SLC2A13: variants seen among roughly 807,000 people sequenced by gnomAD.
SLC2A13 encodes the protein solute carrier family 2 member 13, also known as proton myo-inositol cotransporter.
In SLC2A13, 32 loss-of-function variants were observed where a neutral mutation model predicts 64.4. The observed-to-expected ratio is 0.50, with a 90% CI of 0.37 to 0.67. SLC2A13 has a LOEUF of 0.67. Ranked by LOEUF, SLC2A13 falls within the 30% of genes least tolerant of loss-of-function variation. The pLI, the probability that SLC2A13 is intolerant of heterozygous loss-of-function variation, is 0.00. For synonymous variants in SLC2A13, 338 were observed against 327.1 expected (o/e 1.03, Z -0.36); for missense variants, 743 against 829.2 (o/e 0.90, Z 1.28).
At chr12:40,059,305 G>A (rs922165683) in intron 1 of SLC2A13, among the ~76,000 whole-genome samples, 4 of 152,114 alleles carry the variant, frequency 2.6e-5, no homozygotes, top group African/African-American at 9.7e-5. Context: ...CTATGCCAGA[G>A]GAGACAGAGG....
At chr12:39,953,154 T>A (rs1946261053) in intron 3 of SLC2A13, among the ~76,000 whole-genome samples, 1 of 152,174 alleles carries the variant, frequency 6.6e-6, no homozygotes, top group African/African-American at 2.4e-5. Flanking sequence ...TAGGTAATAA[T>A]GATTTTGGAG....
intron 3 of SLC2A13, among the ~76,000 whole-genome samples, chr12:39,992,781 A>C (rs1161515904): frequency 6.6e-6 from 1 of 152,152 alleles, no homozygotes; most frequent in Non-Finnish European, 1.5e-5. Flanking sequence ...AATGGCAATG[A>C]AAATATAAGG....
At chr12:40,090,378 G>C (rs1025882762) in intron 1 of SLC2A13, among the ~76,000 whole-genome samples, 4 of 151,932 alleles carry the variant, frequency 2.6e-5, no homozygotes, top group Admixed American at 2.6e-4. Context: ...GCTTATCTCT[G>C]CGTATCTTAT....
chr12:40,006,473 C>T (rs1236323360), intron 3 of SLC2A13, among the ~76,000 whole-genome samples: 1 of 152,122 alleles, frequency 6.6e-6, no homozygotes, highest in Admixed American at 6.6e-5. Context: ...GCATTTGCCA[C>T]CATAACTGGC....
intron 3 of SLC2A13, among the ~76,000 whole-genome samples, chr12:39,973,761 C>T (rs755677973): frequency 5.9e-5 from 9 of 152,238 alleles, no homozygotes; most frequent in Non-Finnish European, 8.8e-5. Flanking sequence ...CTTCAGAGCA[C>T]TTACTGCTAT....
At chr12:40,041,950 C>T (rs1335359124) in intron 2 of SLC2A13, among the ~76,000 whole-genome samples, 16 of 152,124 alleles carry the variant, frequency 1.1e-4, no homozygotes, top group Admixed American at 1.0e-3. Context: ...TCTTAATCCT[C>T]CCTGATCCTA....
chr12:39,893,620 G>T (rs1159105282), intron 4 of SLC2A13, among the ~76,000 whole-genome samples: 1 of 152,178 alleles, frequency 6.6e-6, no homozygotes, highest in African/African-American at 2.4e-5. Context: ...TTTCTAATAA[G>T]AGTAAAATCC....
intron 3 of SLC2A13, among the ~76,000 whole-genome samples, chr12:40,009,782 A>G (rs974484974): frequency 3.3e-5 from 5 of 152,210 alleles, no homozygotes; most frequent in African/African-American, 7.2e-5. Context: ...ACTCTGCTCT[A>G]AAGTCCAATG....
At chr12:40,044,103 G>C (rs1472313555) in intron 2 of SLC2A13, among the ~76,000 whole-genome samples, 4 of 152,062 alleles carry the variant, frequency 2.6e-5, no homozygotes, top group Admixed American at 6.6e-5. Context: ...ATCAACTGAT[G>C]AATAGATAAA....
At chr12:39,882,426 G>A (rs1375179207) in intron 4 of SLC2A13, among the ~76,000 whole-genome samples, 1 of 152,120 alleles carries the variant, frequency 6.6e-6, no homozygotes, top group Non-Finnish European at 1.5e-5. Flanking sequence ...TTATACTTAT[G>A]TCATAAATTC....
intron 2 of SLC2A13, among the ~76,000 whole-genome samples, chr12:40,041,046 C>T (rs1350384979): frequency 2.0e-5 from 3 of 152,008 alleles, no homozygotes; most frequent in African/African-American, 7.3e-5. Flanking sequence ...CTCTGCCTCC[C>T]GGGTTCAAGC....
At chr12:39,865,856 A>G (rs1368203345) in intron 5 of SLC2A13, among the ~76,000 whole-genome samples, 1 of 152,200 alleles carries the variant, frequency 6.6e-6, no homozygotes, top group Non-Finnish European at 1.5e-5. Flanking sequence ...GAAGGGAACA[A>G]CAGACACCAG....
intron 6 of SLC2A13, among the ~76,000 whole-genome samples, chr12:39,857,277 C>T (rs76812107): frequency 0.015 from 2,210 of 152,246 alleles, 27 homozygotes; most frequent in Middle Eastern, 0.024. Flanking sequence ...GTACTGTGCT[C>T]ATTATGTGAC....
At chr12:39,861,272 T>C (rs1489993185) in intron 6 of SLC2A13, among the ~76,000 whole-genome samples, 6 of 152,254 alleles carry the variant, frequency 3.9e-5, no homozygotes, top group African/African-American at 1.4e-4. Flanking sequence ...TGAGTGCTTA[T>C]TATGTGCCAA....
Position 39,858,928 on chromosome 12 carries a change from G to A in SLC2A13, c.1319+5834C>T, listed in dbSNP as rs112086912. The stretch of plus-strand genomic sequence containing the variant: ...ACCGTTTTTACACATTTCTAAGGTT[G>A]CATAAAAGTTTTATGATCGAATCTG... On this transcript the variant is annotated intron_variant, in intron 6 of 9. Transcript: ENST00000280871. 1.9e-3 allele frequency among the ~76,000 whole-genome samples: 284 copies of A among 152,238 alleles called. 3 individuals carry two copies. The highest frequency in any genetic ancestry group is 6.4e-3 in the African/African-American group (267 of 41,544).
intron 3 of SLC2A13, among the ~76,000 whole-genome samples, chr12:39,968,726 G>T (rs1946574806): frequency 1.4e-5 from 1 of 71,810 alleles, no homozygotes. Context: ...CTCTAAGCCT[G>T]CCCTTTCTTT....
chr12:40,058,204 TC>T (rs1948364826), intron 1 of SLC2A13, among the ~76,000 whole-genome samples: 1 of 152,130 alleles, frequency 6.6e-6, no homozygotes, highest in South Asian at 2.1e-4. Context: ...TAACTTGTTT[TC>T]CCAGGGTCTT....
intron 3 of SLC2A13, among the ~76,000 whole-genome samples, chr12:39,982,478 G>A (rs1363814597): frequency 6.6e-6 from 1 of 151,414 alleles, no homozygotes; most frequent in Non-Finnish European, 1.5e-5. Context: ...CTTCAGCAAA[G>A]TCTCAGGATA....
intron 2 of SLC2A13, among the ~76,000 whole-genome samples, chr12:40,031,398 T>C (rs11174813): frequency 0.33 from 50,569 of 151,982 alleles, 8,516 homozygotes; most frequent in African/African-American, 0.36. Context: ...AATTTTTGTA[T>C]TTTTAGTAGA....
Sources: gnomAD v4.1 joint callset for allele counts (sites outside exome capture counted in the v4.1 genomes callset) on GRCh38, gnomAD v4.1.1 for gene constraint, MANE v1.5 for transcripts, NCBI Gene and HGNC (gene_info 2026-07-23, HGNC 2026-07-21) for gene names.